The following MSTO1 variants were observed in gnomAD, a reference collection of about 807,000 sequenced individuals.
MSTO1 encodes the protein misato mitochondrial distribution and morphology regulator 1, also known as protein misato homolog 1.
A neutral mutation model predicts 55.7 loss-of-function variants in MSTO1; 24 were observed. The ratio of observed to expected loss-of-function variants is 0.43; its 90% CI spans 0.31 to 0.61. The LOEUF (loss-of-function observed/expected upper bound fraction) is 0.61, where lower values mean the gene tolerates loss of function less well. MSTO1 is among the 20% of genes least tolerant of loss of function. The pLI, the probability that MSTO1 is intolerant of heterozygous loss-of-function variation, is 0.09. For synonymous variants in MSTO1, 162 were observed against 252.8 expected (o/e 0.64, Z 3.41); for missense variants, 363 against 625.7 (o/e 0.58, Z 4.48).
the MSTO1 span, among the ~76,000 whole-genome samples, chr1:155,593,215 A>C: frequency 6.6e-6 from 1 of 152,010 alleles, no homozygotes; most frequent in Non-Finnish European, 1.5e-5. Context: ...CACCTGGCCT[A>C]CTGTTCTTAG....
chr1:155,573,469 TAGAC>T, the MSTO1 span, among the ~76,000 whole-genome samples: 1 of 151,648 alleles, frequency 6.6e-6, no homozygotes, highest in African/African-American at 2.4e-5. Flanking sequence ...GAGGCCAAGG[TAGAC>T]AGATCGCTTG....
At chr1:155,563,911 C>T in the MSTO1 span, 1 of 251,446 alleles carries the variant, frequency 4.0e-6, no homozygotes, top group South Asian at 3.9e-5. Flanking sequence ...AGTGTTCTGT[C>T]CCTCCAAGGA....
the MSTO1 span, among the ~76,000 whole-genome samples, chr1:155,569,198 C>T: frequency 5.3e-5 from 8 of 151,540 alleles, no homozygotes; most frequent in East Asian, 9.7e-4. Context: ...TGCAGTAGCG[C>T]GATCTCAGCT....
the MSTO1 span, among the ~76,000 whole-genome samples, chr1:155,579,075 G>A: frequency 1.3e-5 from 2 of 151,102 alleles, no homozygotes; most frequent in African/African-American, 4.9e-5. Context: ...TGGGAGGCTG[G>A]GGCAGGCGGA....
the MSTO1 span, among the ~76,000 whole-genome samples, chr1:155,574,514 T>C: frequency 6.6e-6 from 1 of 152,172 alleles, no homozygotes; most frequent in African/African-American, 2.4e-5. Flanking sequence ...ATGAAGAGTG[T>C]ACGAAAGCTC....
chr1:155,600,967 T>C, the MSTO1 span, among the ~76,000 whole-genome samples: 1 of 148,962 alleles, frequency 6.7e-6, no homozygotes, highest in Admixed American at 6.7e-5. Flanking sequence ...TGAGCCACTG[T>C]GCTAGGCCTT....
chr1:155,587,601 G>A, the MSTO1 span, among the ~76,000 whole-genome samples: 15 of 151,770 alleles, frequency 9.9e-5, no homozygotes, highest in East Asian at 2.1e-3. Context: ...AAAATTAGCC[G>A]GGCGTGGTGG....
In MSTO1 at chr1:155,613,241, C is replaced by T; in HGVS notation, c.1283+8C>T. The T allele has an allele frequency of 1.2e-6, 2 of 1,611,436 alleles. No individual in the cohort carries two copies. Among genetic ancestry groups the T allele is most frequent in the Non-Finnish European group, 8.5e-7 (1 of 1,178,184 alleles). ...CAGAGCATGCCACACAAGGTGAGAG[C>T]TGTTGGTCCTTAGGAGTCCTTGTCA... On this transcript the variant is annotated splice_region_variant and intron_variant, in intron 11 of 13. Coordinates refer to ENST00000245564, the MANE Select transcript of MSTO1 (RefSeq NM_018116.4).
the MSTO1 span, among the ~76,000 whole-genome samples, chr1:155,589,464 A>G: frequency 6.6e-6 from 1 of 151,946 alleles, no homozygotes; most frequent in African/African-American, 2.4e-5. Flanking sequence ...ATAGAAGTAT[A>G]TATGAAGGAG....
chr1:155,609,243 A>ATATATATATATATATATATATTTT (rs59756178), upstream of MSTO1, among the ~76,000 whole-genome samples: 4 of 54,564 alleles, frequency 7.3e-5, no homozygotes, highest in East Asian at 1.9e-3. Context: ...ATATATATAT[A>ATATATATATATATATATATATTTT]TTTTTTTTTT....
chr1:155,604,387 T>C, the MSTO1 span, among the ~76,000 whole-genome samples: 3 of 152,190 alleles, frequency 2.0e-5, no homozygotes, highest in Non-Finnish European at 4.4e-5. Context: ...GTACTCTGAT[T>C]CTAACGCAAT....
chr1:155,612,333 G>A lies in MSTO1; in HGVS notation c.813+17G>A, dbSNP rs779235092. 9.5e-6 allele frequency: 15 copies of A among 1,576,144 alleles called. No individual in the cohort carries two copies. In the East Asian group the frequency reaches 3.4e-4, roughly 35 times the overall value. ...CATCGTGGGGTGAGTGGAACTTAGA[G>A]AAGTAAACAGTCACACAGTGGGGAG... On this transcript the variant is annotated intron_variant, in intron 8 of 13. Coordinates refer to ENST00000245564, the MANE Select transcript of MSTO1 (RefSeq NM_018116.4).
At chr1:155,602,041 G>A in the MSTO1 span, 20 of 571,966 alleles carry the variant, frequency 3.5e-5, no homozygotes, top group Middle Eastern at 5.7e-4. Context: ...GGTATGAGCC[G>A]CCGCGCCCGG....
the MSTO1 span, among the ~76,000 whole-genome samples, chr1:155,572,647 G>T: frequency 2.0e-4 from 31 of 151,986 alleles, no homozygotes; most frequent in East Asian, 5.8e-3. Flanking sequence ...GGGAGATGGA[G>T]AATTTTTTTT....
chr1:155,585,082 C>CT, the MSTO1 span, among the ~76,000 whole-genome samples: 6 of 152,232 alleles, frequency 3.9e-5, no homozygotes, highest in East Asian at 3.9e-4. Context: ...CTTGACTGTA[C>CT]TTTAAGTTCC....
chr1:155,604,504 T>G, the MSTO1 span, among the ~76,000 whole-genome samples: 3 of 152,174 alleles, frequency 2.0e-5, no homozygotes, highest in Admixed American at 2.0e-4. Flanking sequence ...AAGATCAGAA[T>G]GGAAATGAGA....
the MSTO1 span, among the ~76,000 whole-genome samples, chr1:155,576,308 G>GT: frequency 2.0e-5 from 3 of 151,946 alleles, no homozygotes; most frequent in South Asian, 2.1e-4. Context: ...TCTATTTATA[G>GT]TTTTTTTGTT....
At chr1:155,605,817 TA>T (rs1262703994), upstream of MSTO1, among the ~76,000 whole-genome samples, 1 of 152,208 alleles carries the variant, frequency 6.6e-6, no homozygotes, top group African/African-American at 2.4e-5. Flanking sequence ...TAGGTCTATA[TA>T]ACTTGGCCTG....
At chr1:155,591,301 G>T in the MSTO1 span, 1 of 1,458,602 alleles carries the variant, frequency 6.9e-7, no homozygotes, top group South Asian at 1.3e-5. Context: ...GGAGATATGC[G>T]AAATTCCTAG....
Sources: allele counts gnomAD v4.1 joint callset (sites outside exome capture counted in the v4.1 genomes callset), GRCh38; gene constraint gnomAD v4.1.1; transcripts MANE v1.5; gene names NCBI Gene and HGNC (gene_info 2026-07-23, HGNC 2026-07-21).